Variants in MED12L observed in about 807,000 individuals in gnomAD.
MED12L encodes the protein mediator of RNA polymerase II transcription subunit 12-like protein.
In MED12L, 60 loss-of-function variants were observed where a neutral mutation model predicts 281.3. The ratio of observed to expected loss-of-function variants is 0.21; its 90% CI spans 0.17 to 0.26. MED12L has a LOEUF of 0.26. MED12L is among the 10% of genes least tolerant of loss of function. The pLI is 1.00. For synonymous variants in MED12L, 974 were observed against 987.2 expected (o/e 0.99, Z 0.25); for missense variants, 2,146 against 2,680.9 (o/e 0.80, Z 4.41).
chr3:151,325,286 C>T (rs1372249281), intron 16 of MED12L, among the ~76,000 whole-genome samples: 1 of 152,158 alleles, frequency 6.6e-6, no homozygotes, highest in Non-Finnish European at 1.5e-5. Context: ...ACTTCACTCC[C>T]TTCAACCCCT....
chr3:151,294,417 A>C, intron 16 of MED12L: 1 of 1,613,974 alleles, frequency 6.2e-7, no homozygotes. Context: ...AAGTGACTAA[A>C]AGTAAAAGGA....
chr3:151,380,276 A>G, intron 32 of MED12L, 52 bp downstream of exon 32: 1 of 1,246,572 alleles, frequency 8.0e-7, no homozygotes. Context: ...AACGGCATTC[A>G]TTTATTTGCC....
intron 16 of MED12L, among the ~76,000 whole-genome samples, chr3:151,253,608 T>C (rs1483252489): frequency 6.6e-6 from 1 of 152,232 alleles, no homozygotes; most frequent in Non-Finnish European, 1.5e-5. Context: ...GGCTTTGTAC[T>C]GTATCACAGA....
At chr3:151,131,576 C>A (rs1195108540) in intron 5 of MED12L, among the ~76,000 whole-genome samples, 1 of 152,174 alleles carries the variant, frequency 6.6e-6, no homozygotes. Flanking sequence ...CACTGCACTC[C>A]AGCCTGGGCA....
At chr3:151,147,987 G>A (rs1365992603) in intron 5 of MED12L, among the ~76,000 whole-genome samples, 2 of 152,022 alleles carry the variant, frequency 1.3e-5, no homozygotes, top group Non-Finnish European at 1.5e-5. Flanking sequence ...TATTCCCGTG[G>A]GGAACACCTG....
chr3:151,107,215 C>T (rs1221810401), intron 2 of MED12L, among the ~76,000 whole-genome samples: 1 of 151,864 alleles, frequency 6.6e-6, no homozygotes, highest in Non-Finnish European at 1.5e-5. Flanking sequence ...CAGTCTACAC[C>T]CTACCTATTC....
At chr3:151,390,158 T>C (rs1714006721) in intron 38 of MED12L, 23 bp downstream of exon 38, 3 of 1,612,512 alleles carry the variant, frequency 1.9e-6, no homozygotes, top group African/African-American at 2.7e-5. Flanking sequence ...AAAGCACAGA[T>C]CACTCAGAGA....
intron 26 of MED12L, among the ~76,000 whole-genome samples, chr3:151,371,180 G>A (rs933433685): frequency 6.6e-6 from 1 of 151,964 alleles, no homozygotes; most frequent in Admixed American, 6.6e-5. Flanking sequence ...ATTTGCAGAA[G>A]CTCTAATTTA....
At position 151,256,849 on chromosome 3, in the gene MED12L, G is replaced by GT. The variant is rs527914597; in HGVS notation, c.2250+63193dup. Among the ~76,000 whole-genome samples, 1,237 of 138,714 alleles carry GT rather than the reference G, an allele frequency of 8.9e-3. 7 individuals carry two copies. Among genetic ancestry groups the GT allele is most frequent in the South Asian group, 0.025 (105 of 4,236 alleles). 91.0% of individuals were successfully genotyped at this position (138,714 alleles called of 152,430 possible). On this transcript the variant is annotated intron_variant, in intron 16 of 44. Coordinates refer to ENST00000687756, the MANE Select transcript of MED12L (RefSeq NM_001393769.1). The stretch of plus-strand genomic sequence containing the variant: ...TTTTTCTTGGTGGGAAATGACAGAG[G>GT]TTTTTTTTTTGTTGTTTTTTTTTTT...
chr3:151,430,391 C>A lies in MED12L; in HGVS notation c.6490+11C>A. On this transcript the variant is annotated intron_variant, in intron 44 of 44. Transcript: ENST00000687756. ...AGAAGCAGCTTTCCAGTAAGTACCC[C>A]TGTGTGTCATGGAACAGACAGCTCC... is the stretch of plus-strand genomic sequence containing the variant. The A allele has an allele frequency of 1.9e-6, 3 of 1,613,826 alleles. No homozygotes were observed. The highest frequency in any genetic ancestry group is 2.5e-6 in the Non-Finnish European group (3 of 1,179,818).
rs1175917645 is a variant in MED12L at position 151,368,689 on chromosome 3, T to TATTTCATTTC, written c.3550+491_3550+500dup. Among the ~76,000 whole-genome samples the TATTTCATTTC allele has an allele frequency of 1.1e-3, 45 of 41,996 alleles. 2 individuals carry two copies. The highest frequency in any genetic ancestry group is 3.7e-3 in the Admixed American group (14 of 3,818). 27.6% of individuals were successfully genotyped at this position (41,996 alleles called of 152,430 possible). A position where few individuals can be genotyped will look rare whatever the true frequency, so the allele number is the denominator to read the frequency against. On this transcript the variant is annotated intron_variant, in intron 25 of 44. Transcript: ENST00000687756. ...CATTTCATTTCATGTCATTTCATTT[T>TATTTCATTTC]ATTTCATTTCATTTCATTTCATTTC...
At chr3:151,333,490 C>T (rs10935837) in intron 16 of MED12L, among the ~76,000 whole-genome samples, 6,625 of 152,196 alleles carry the variant, frequency 0.044, 147 homozygotes, top group East Asian at 0.061. Context: ...ATTTCTCTAA[C>T]AACATGCCAA....
At chr3:151,370,502 A>G (rs1756038909) in intron 26 of MED12L, among the ~76,000 whole-genome samples, 1 of 152,218 alleles carries the variant, frequency 6.6e-6, no homozygotes, top group Admixed American at 6.5e-5. Context: ...GAAAGGATAC[A>G]CACACGGGCC....
At chr3:151,378,248 G>T in intron 31 of MED12L, 75 bp downstream of exon 31, 1 of 1,398,396 alleles carries the variant, frequency 7.2e-7, no homozygotes, top group Non-Finnish European at 9.5e-7. Context: ...GTAAACCTGT[G>T]TGGTCACTGT....
rs573701670 is a variant in MED12L at position 151,243,878 on chromosome 3, C to T, written c.2250+50212C>T. ...TGCTGTATTCAGGAAACCCATCTCA[C>T]GTGCAGAGACACACATAGGCTCAAA... On this transcript the variant is annotated intron_variant, in intron 16 of 44. Coordinates refer to ENST00000687756, the MANE Select transcript of MED12L (RefSeq NM_001393769.1). Among the ~76,000 whole-genome samples, 340 of 148,784 alleles carry T rather than the reference C, an allele frequency of 2.3e-3. 3 individuals are homozygous for T. Among genetic ancestry groups the T allele is most frequent in the Admixed American group, 0.018 (268 of 14,952 alleles).
chr3:151,234,588 A>G (rs939004586), intron 16 of MED12L, among the ~76,000 whole-genome samples: 1 of 152,206 alleles, frequency 6.6e-6, no homozygotes, highest in Admixed American at 6.5e-5. Context: ...GACCAAAAAT[A>G]TCCTTATTTT....
rs761272909 is a variant in MED12L at position 151,418,340 on chromosome 3, G to C, written c.6408+1918G>C. Among the ~76,000 whole-genome samples, 9 of 152,016 alleles carry C rather than the reference G, an allele frequency of 5.9e-5. No homozygotes were observed. In the South Asian group the frequency reaches 6.2e-4, roughly 11 times the overall value. ...ATAACCTATAACTCTTTTGCAGATA[G>C]ACAAATTAATGCTCTTTATTGCATT... On this transcript the variant is annotated intron_variant, in intron 43 of 44. Transcript: ENST00000687756.
intron 11 of MED12L, among the ~76,000 whole-genome samples, chr3:151,176,996 C>T (rs1291578528): frequency 1.3e-5 from 2 of 152,140 alleles, no homozygotes; most frequent in Non-Finnish European, 1.5e-5. Context: ...AAAATAAAAC[C>T]GTGAAAATGA....
chr3:151,094,523 T>C (rs539698100), intron 2 of MED12L, among the ~76,000 whole-genome samples: 2 of 152,282 alleles, frequency 1.3e-5, no homozygotes, highest in South Asian at 2.1e-4. Flanking sequence ...TGGAAACACT[T>C]GGACTTTTAA....
Sources: allele counts gnomAD v4.1 joint callset (sites outside exome capture counted in the v4.1 genomes callset), GRCh38; gene constraint gnomAD v4.1.1; transcripts MANE v1.5; gene names NCBI Gene and HGNC (gene_info 2026-07-23, HGNC 2026-07-21).